SH3RF3: variants seen among roughly 807,000 people sequenced by gnomAD.
SH3RF3 encodes SH3 domain containing ring finger 3.
In SH3RF3, 29 loss-of-function variants were observed where a neutral mutation model predicts 66.3. The observed-to-expected ratio is 0.44, with a 90% CI of 0.33 to 0.60. The LOEUF is 0.60. SH3RF3 is among the 20% of genes least tolerant of loss of function. The probability of loss-of-function intolerance (pLI) is 0.04; values close to 1 mark genes in which losing one functional copy is unlikely to be tolerated. For synonymous variants in SH3RF3, 583 were observed against 532.0 expected, an observed-to-expected ratio of 1.10 and a Z score of -1.32; for missense variants, 1,194 against 1,190.9, an observed-to-expected ratio of 1.00 and a Z score of -0.04.
chr2:109,284,191 A>G (rs1680964972), intron 1 of SH3RF3, among the ~76,000 whole-genome samples: 2 of 152,296 alleles, frequency 1.3e-5, no homozygotes, highest in South Asian at 4.1e-4. Context: ...TGGGGCCTGC[A>G]GTTTTCTCAA....
intron 6 of SH3RF3, among the ~76,000 whole-genome samples, chr2:109,435,174 G>A (rs112797264): frequency 0.013 from 1,988 of 152,276 alleles, 53 homozygotes; most frequent in African/African-American, 0.046. Context: ...AAGGAACTGC[G>A]CCCGGGTCGG....
intron 8 of SH3RF3, among the ~76,000 whole-genome samples, chr2:109,476,660 T>C (rs148019213): frequency 2.3e-4 from 35 of 152,354 alleles, no homozygotes; most frequent in African/African-American, 8.2e-4. Flanking sequence ...GAGAGGGTTC[T>C]TGGATCTCCC....
At chr2:109,131,898 G>A (rs1030741530) in intron 1 of SH3RF3, among the ~76,000 whole-genome samples, 1 of 152,128 alleles carries the variant, frequency 6.6e-6, no homozygotes, top group African/African-American at 2.4e-5. Context: ...CAGGAGTCCC[G>A]CATGGTGTAT....
chr2:109,258,526 C>T (rs915616413), intron 1 of SH3RF3, among the ~76,000 whole-genome samples: 6 of 152,242 alleles, frequency 3.9e-5, no homozygotes, highest in East Asian at 3.9e-4. Context: ...GGTGAGCCTC[C>T]GAACAATGTA....
At chr2:109,178,950 G>A (rs998561566) in intron 1 of SH3RF3, among the ~76,000 whole-genome samples, 41 of 151,568 alleles carry the variant, frequency 2.7e-4, no homozygotes, top group African/African-American at 7.7e-4. Flanking sequence ...TTAACTTTTC[G>A]TGTTTGTGTG....
chr2:109,255,070 A>G (rs556508076), intron 1 of SH3RF3, among the ~76,000 whole-genome samples: 21 of 152,306 alleles, frequency 1.4e-4, no homozygotes, highest in African/African-American at 4.6e-4. Flanking sequence ...CTAAGGCTAA[A>G]AGACACAAGG....
At chr2:109,495,562 C>T (rs912095215) in intron 9 of SH3RF3, among the ~76,000 whole-genome samples, 20 of 144,744 alleles carry the variant, frequency 1.4e-4, no homozygotes, top group Admixed American at 1.1e-3. Context: ...AATCTTGGCC[C>T]ACTGCAACCT....
chr2:109,470,363 G>C (rs1362705451), intron 8 of SH3RF3, among the ~76,000 whole-genome samples: 1 of 152,170 alleles, frequency 6.6e-6, no homozygotes, highest in African/African-American at 2.4e-5. Flanking sequence ...ATCTTTTCCA[G>C]AGTTTTGCTG....
intron 1 of SH3RF3, among the ~76,000 whole-genome samples, chr2:109,319,942 C>A (rs573011350): frequency 7.9e-5 from 12 of 152,282 alleles, no homozygotes; most frequent in African/African-American, 2.6e-4. Context: ...GCAAGGTGAA[C>A]GAGCTGCTGT....
chr2:109,303,303 T>C (rs1681514288), intron 1 of SH3RF3, among the ~76,000 whole-genome samples: 1 of 152,250 alleles, frequency 6.6e-6, no homozygotes, highest in Admixed American at 6.5e-5. Context: ...TCCATCCATG[T>C]GAGGAAAGAG....
At chr2:109,176,539 C>T (rs962059763) in intron 1 of SH3RF3, among the ~76,000 whole-genome samples, 1 of 152,130 alleles carries the variant, frequency 6.6e-6, no homozygotes, top group African/African-American at 2.4e-5. Context: ...CAAGATCAGC[C>T]TTGGCAACAT....
chr2:109,303,461 C>CT (rs1310265960), intron 1 of SH3RF3, among the ~76,000 whole-genome samples: 15 of 152,184 alleles, frequency 9.9e-5, no homozygotes, highest in Non-Finnish European at 5.9e-5. Context: ...TGGCAGAACA[C>CT]TAAGAAGATG....
At chr2:109,256,537 G>A (rs573507603) in intron 1 of SH3RF3, among the ~76,000 whole-genome samples, 1 of 152,320 alleles carries the variant, frequency 6.6e-6, no homozygotes, top group Admixed American at 6.5e-5. Flanking sequence ...CACTCCTGGA[G>A]CTTTGAGGGG....
Position 109,347,748 on chromosome 2 carries a change from C to T in SH3RF3, c.648C>T (p.Asn216=), listed in dbSNP as rs1415086137. ...EGKEPGDLKF[N]KGDIIVLRRK... ...AGGAACCTGGTGACCTCAAGTTCAA[C>T]AAGGGGGACATCATCGTCCTGCGGC... is the stretch of plus-strand genomic sequence containing the variant. The change falls in exon 2 of 10, where the codon AAC becomes AAT. Residue 216 remains asparagine (N), a synonymous_variant. Transcript: ENST00000309415. The T allele has an allele frequency of 3.1e-6, 5 of 1,613,966 alleles. No homozygotes were observed. Among genetic ancestry groups the T allele is most frequent in the Admixed American group, 1.7e-5 (1 of 60,028 alleles).
At chr2:109,256,537 G>C (rs573507603) in intron 1 of SH3RF3, among the ~76,000 whole-genome samples, 1 of 152,202 alleles carries the variant, frequency 6.6e-6, no homozygotes, top group East Asian at 1.9e-4. Context: ...CACTCCTGGA[G>C]CTTTGAGGGG....
intron 1 of SH3RF3, among the ~76,000 whole-genome samples, chr2:109,240,251 G>T (rs1328974950): frequency 6.6e-6 from 1 of 152,158 alleles, no homozygotes; most frequent in African/African-American, 2.4e-5. Flanking sequence ...TATAATTTCA[G>T]CACTTTGGGA....
At chr2:109,366,917 A>C (rs932857481) in intron 2 of SH3RF3, among the ~76,000 whole-genome samples, 4 of 152,210 alleles carry the variant, frequency 2.6e-5, no homozygotes, top group Non-Finnish European at 5.9e-5. Context: ...AGGTAAGCTG[A>C]AATACCAGCG....
In SH3RF3 at chr2:109,433,552, G is replaced by A. The variant is rs147291168; in HGVS notation, c.1574+881G>A. On this transcript the variant is annotated intron_variant, in intron 6 of 9. Coordinates refer to ENST00000309415, the MANE Select transcript of SH3RF3 (RefSeq NM_001099289.3). ...GGACACACACACAGAAGCGAAAGAC[G>A]TGGCCTTGGGTTTCTCCTGTCTTTG... Among the ~76,000 whole-genome samples, 426 of 152,334 alleles carry A rather than the reference G, an allele frequency of 2.8e-3. 3 individuals are homozygous for A. The highest frequency in any genetic ancestry group is 9.2e-3 in the African/African-American group (383 of 41,580).
intron 1 of SH3RF3, among the ~76,000 whole-genome samples, chr2:109,169,441 G>T (rs1345704233): frequency 1.3e-5 from 2 of 152,132 alleles, no homozygotes; most frequent in Non-Finnish European, 2.9e-5. Context: ...TCAGCTCCCT[G>T]TGGTGGAGGA....
Sources: allele counts gnomAD v4.1 joint callset (sites outside exome capture counted in the v4.1 genomes callset), GRCh38; gene constraint gnomAD v4.1.1; transcripts MANE v1.5; gene names NCBI Gene and HGNC (gene_info 2026-07-23, HGNC 2026-07-21).